Variants in POMK observed in about 807,000 individuals in gnomAD.
The protein encoded by POMK is Sugen kinase 196.
In POMK, 19 loss-of-function variants were observed where a neutral mutation model predicts 23.0. The observed-to-expected ratio is 0.83, with a 90% CI of 0.58 to 1.21. The LOEUF (loss-of-function observed/expected upper bound fraction) is 1.21. POMK is among the 50% of genes most tolerant of loss of function. The pLI, the probability that POMK is intolerant of heterozygous loss-of-function variation, is 0.00. For synonymous variants in POMK, 173 were observed against 171.6 expected, an observed-to-expected ratio of 1.01 and a Z score of -0.06; for missense variants, 410 against 431.3, an observed-to-expected ratio of 0.95 and a Z score of 0.44.
chr8:43,113,187 A>G (rs540069867), intron 4 of POMK, among the ~76,000 whole-genome samples: 5 of 152,264 alleles, frequency 3.3e-5, no homozygotes, highest in Admixed American at 1.3e-4. Flanking sequence ...GTTCTCCTGG[A>G]TAATATCCTG....
chr8:43,099,093 C>A (rs183630564), intron 2 of POMK, among the ~76,000 whole-genome samples: 159 of 152,228 alleles, frequency 1.0e-3, no homozygotes, highest in African/African-American at 3.6e-3. Flanking sequence ...CCTATAGGCA[C>A]AGGCCAACAT....
rs573568481 is a variant in POMK, at chr8:43,106,553, A to G, written c.282+2723A>G. ...TTGACTGAGTCTTGCTCTATCGCCC[A>G]GGCTGGAGTGCTGTGACATGATCTT... is the stretch of plus-strand genomic sequence containing the variant. On this transcript the variant is annotated intron_variant, in intron 4 of 4. Transcript: ENST00000331373. 5.7e-4 allele frequency among the ~76,000 whole-genome samples: 72 copies of G among 127,418 alleles called. 2 individuals are homozygous for G. The South Asian group carries it at 0.017, about 30-fold the overall frequency. 83.6% of individuals were successfully genotyped at this position (127,418 alleles called of 152,430 possible). A position where few individuals can be genotyped will look rare whatever the true frequency, so the allele number is the denominator to read the frequency against.
chr8:43,114,889 A>G (rs910417888), intron 4 of POMK, among the ~76,000 whole-genome samples: 5 of 152,230 alleles, frequency 3.3e-5, no homozygotes, highest in Non-Finnish European at 7.3e-5. Flanking sequence ...ATTTGGGGCA[A>G]CAGGTATATT....
chr8:43,118,860 G>T (rs1466273552), intron 4 of POMK, among the ~76,000 whole-genome samples: 1 of 152,188 alleles, frequency 6.6e-6, no homozygotes, highest in Non-Finnish European at 1.5e-5. Context: ...CTGGAGTGCA[G>T]TGGCCTGATC....
At chr8:43,117,461 A>G (rs1811823362) in intron 4 of POMK, among the ~76,000 whole-genome samples, 1 of 152,160 alleles carries the variant, frequency 6.6e-6, no homozygotes, top group African/African-American at 2.4e-5. Flanking sequence ...GGAGGAAAGG[A>G]AGAGGTTGGT....
Position 43,102,595 on chromosome 8 carries a change from T to C in POMK, c.-27T>C, listed in dbSNP as rs1465952598. 1 of 152,548 alleles carries C rather than the reference T, an allele frequency of 6.6e-6. No homozygotes were observed. Among genetic ancestry groups the C allele is most frequent in the Non-Finnish European group, 1.5e-5 (1 of 68,330 alleles). The allele number at this position is 152,548 out of a possible 1,614,324, so 9.4% of individuals were successfully genotyped here. On this transcript the variant is annotated 5_prime_UTR_variant, in exon 3 of 5. Transcript: ENST00000331373. ...CCTGAGCTGGAGAAGGAGATGCGCTTGGGAGGTAACCCTGCATGTCACAGC... is the reference window on the plus strand; with the variant it reads ...CCTGAGCTGGAGAAGGAGATGCGCTCGGGAGGTAACCCTGCATGTCACAGC...
intron 4 of POMK, among the ~76,000 whole-genome samples, chr8:43,120,328 T>C (rs1811887627): frequency 6.6e-6 from 1 of 151,932 alleles, no homozygotes; most frequent in African/African-American, 2.4e-5. Context: ...CTCTTCTGCC[T>C]CAGCCTCCTG....
chr8:43,097,285 A>G (rs148190618), intron 1 of POMK, among the ~76,000 whole-genome samples: 7 of 152,320 alleles, frequency 4.6e-5, no homozygotes, highest in Non-Finnish European at 1.0e-4. Context: ...TTCCTGGGCT[A>G]TGACGCCACA....
intron 4 of POMK, among the ~76,000 whole-genome samples, chr8:43,120,126 C>T (rs2130623656): frequency 6.6e-6 from 1 of 151,852 alleles, no homozygotes; most frequent in South Asian, 2.1e-4. Context: ...CTTTGATTTC[C>T]ATGTGCTGTA....
intron 4 of POMK, among the ~76,000 whole-genome samples, chr8:43,111,164 T>G (rs929155418): frequency 1.3e-5 from 2 of 152,122 alleles, no homozygotes; most frequent in African/African-American, 2.4e-5. Context: ...AGGGAGTCCC[T>G]TTTCTAGTCA....
At chr8:43,100,478 T>G (rs765237644) in intron 2 of POMK, among the ~76,000 whole-genome samples, 4 of 150,776 alleles carry the variant, frequency 2.7e-5, no homozygotes, top group Non-Finnish European at 3.0e-5. Flanking sequence ...AGGCCTCGTG[T>G]GTGGTGATGG....
chr8:43,104,814 C>T lies in POMK; in HGVS notation c.282+984C>T, dbSNP rs569622731. Among the ~76,000 whole-genome samples the T allele has an allele frequency of 7.2e-4, 110 of 152,066 alleles. 1 individual carries two copies. The highest frequency in any genetic ancestry group is 2.5e-3 in the African/African-American group (103 of 41,480). On this transcript the variant is annotated intron_variant, in intron 4 of 4. Coordinates refer to ENST00000331373, the MANE Select transcript of POMK (RefSeq NM_032237.5). ...CAAAAATTAGCCTGGCATAATGGTG[C>T]GCACTACTTGGGAAGCTCAGGTGGG...
chr8:43,109,912 G>GT (rs1201353485), intron 4 of POMK, among the ~76,000 whole-genome samples: 2 of 152,224 alleles, frequency 1.3e-5, no homozygotes, highest in Non-Finnish European at 2.9e-5. Flanking sequence ...GAACAAAACT[G>GT]TTTTAAGAAA....
At chr8:43,112,423 C>A (rs1041003325) in intron 4 of POMK, among the ~76,000 whole-genome samples, 1 of 152,102 alleles carries the variant, frequency 6.6e-6, no homozygotes, top group East Asian at 1.9e-4. Context: ...GTGAAAAGAC[C>A]AAATCTACGT....
intron 4 of POMK, among the ~76,000 whole-genome samples, chr8:43,111,873 AG>A (rs1461730890): frequency 1.3e-5 from 2 of 152,258 alleles, no homozygotes; most frequent in Non-Finnish European, 2.9e-5. Flanking sequence ...GACTGTTAGA[AG>A]GAAAACTAAC....
At chr8:43,099,464 T>C (rs1054872158) in intron 2 of POMK, among the ~76,000 whole-genome samples, 2 of 152,208 alleles carry the variant, frequency 1.3e-5, no homozygotes, top group Admixed American at 6.6e-5. Context: ...AGCTCTGAAC[T>C]CTGGGGGACC....
At chr8:43,110,465 C>T (rs1483706460) in intron 4 of POMK, among the ~76,000 whole-genome samples, 1 of 152,224 alleles carries the variant, frequency 6.6e-6, no homozygotes, top group Non-Finnish European at 1.5e-5. Flanking sequence ...TTGAATTGTA[C>T]AACATTTCTT....
chr8:43,120,373 C>T (rs537802152), intron 4 of POMK, among the ~76,000 whole-genome samples: 26 of 150,558 alleles, frequency 1.7e-4, no homozygotes, highest in Middle Eastern at 3.5e-3. Flanking sequence ...CCACCATGCC[C>T]GGCTAATTTT....
At chr8:43,119,074 G>A (rs1001489858) in intron 4 of POMK, among the ~76,000 whole-genome samples, 2 of 152,154 alleles carry the variant, frequency 1.3e-5, no homozygotes, top group African/African-American at 4.8e-5. Context: ...GCCTCTTGAA[G>A]TGCTGGGATT....
Sources: allele counts gnomAD v4.1 joint callset (sites outside exome capture counted in the v4.1 genomes callset), GRCh38; gene constraint gnomAD v4.1.1; transcripts MANE v1.5; gene names NCBI Gene and HGNC (gene_info 2026-07-23, HGNC 2026-07-21).